NUP93: variants seen among roughly 807,000 people sequenced by gnomAD.
The protein encoded by NUP93 is nucleoporin 93.
NUP93 carries 55 observed loss-of-function variants against 107.8 expected under a neutral mutation model. The ratio of observed to expected loss-of-function variants is 0.51; its 90% CI spans 0.41 to 0.64. NUP93 has a LOEUF of 0.64. Among genes scored for constraint, NUP93 ranks in the 30% least tolerant of loss-of-function variants. The pLI is 0.00. For synonymous variants in NUP93, 390 were observed against 397.5 expected (o/e 0.98, Z 0.22); for missense variants, 937 against 1,044.7 (o/e 0.90, Z 1.42).
rs546224653 is a variant in NUP93, at chr16:56,777,932, T to C, written c.297+19277T>C. On this transcript the variant is annotated intron_variant, in intron 3 of 21. Coordinates refer to ENST00000308159, the MANE Select transcript of NUP93 (RefSeq NM_014669.5). Reference sequence around the variant, plus strand: ...TACCTGGGCAGGGCCTAGTAGACACTAATAAAAGTTAAGAAGTGGTTTTGT... The same window carrying C: ...TACCTGGGCAGGGCCTAGTAGACACCAATAAAAGTTAAGAAGTGGTTTTGT... Among the ~76,000 whole-genome samples, 30 of 152,286 alleles carry C rather than the reference T, an allele frequency of 2.0e-4. No homozygotes were observed. The East Asian group carries it at 5.8e-3, about 29-fold the overall frequency.
chr16:56,809,374 T>C (rs1414907334), intron 5 of NUP93, among the ~76,000 whole-genome samples: 5 of 151,276 alleles, frequency 3.3e-5, no homozygotes, highest in Non-Finnish European at 7.4e-5. Context: ...AGTGATAATG[T>C]AAAGCACCTG....
At chr16:56,767,707 C>T (rs957832937) in intron 3 of NUP93, among the ~76,000 whole-genome samples, 3 of 152,330 alleles carry the variant, frequency 2.0e-5, no homozygotes, top group Admixed American at 6.5e-5. Flanking sequence ...TTTCTCTCTT[C>T]TTCTAGTAGG....
chr16:56,810,697 A>T (rs1831140466), intron 5 of NUP93, among the ~76,000 whole-genome samples: 2 of 152,194 alleles, frequency 1.3e-5, no homozygotes, highest in South Asian at 4.1e-4. Context: ...CATCACAAAT[A>T]GAACACACCC....
At chr16:56,740,161 C>T (rs1310810423) in intron 1 of NUP93, among the ~76,000 whole-genome samples, 61 of 142,620 alleles carry the variant, frequency 4.3e-4, no homozygotes, top group South Asian at 7.1e-4. Flanking sequence ...GGGTGGCTGC[C>T]GGGCGGAGAC....
At chr16:56,830,196 G>C (rs963179438) in intron 9 of NUP93, among the ~76,000 whole-genome samples, 6 of 152,166 alleles carry the variant, frequency 3.9e-5, no homozygotes, top group African/African-American at 1.2e-4. Flanking sequence ...TATCACAAAA[G>C]AACATCACCC....
chr16:56,830,344 C>T (rs1430839517), intron 9 of NUP93, among the ~76,000 whole-genome samples, 184 bp from the exon 10 acceptor site: 1 of 152,226 alleles, frequency 6.6e-6, no homozygotes, highest in Non-Finnish European at 1.5e-5. Context: ...GACTTAACCC[C>T]TCCATGCCTC....
At chr16:56,785,867 A>G (rs1003856312) in intron 3 of NUP93, among the ~76,000 whole-genome samples, 2 of 152,218 alleles carry the variant, frequency 1.3e-5, no homozygotes, top group Non-Finnish European at 2.9e-5. Flanking sequence ...GATGGCAAGT[A>G]TGGTTAAAAT....
intron 3 of NUP93, chr16:56,781,641 T>C (rs1236015998): frequency 1.2e-5 from 2 of 165,958 alleles, no homozygotes; most frequent in African/African-American, 2.4e-5. Flanking sequence ...ACATGACAGC[T>C]GAAGCGATTA....
At chr16:56,738,948 T>TC (rs1329070392) in intron 1 of NUP93, among the ~76,000 whole-genome samples, 3 of 148,562 alleles carry the variant, frequency 2.0e-5, no homozygotes, top group Admixed American at 1.3e-4. Context: ...TAAATTTCTT[T>TC]TTTTTTTTTT....
At chr16:56,782,847 AAGTATTT>A (rs1962543889) in intron 3 of NUP93, among the ~76,000 whole-genome samples, 1 of 152,208 alleles carries the variant, frequency 6.6e-6, no homozygotes, top group Non-Finnish European at 1.5e-5. Flanking sequence ...GAGGATTCCT[AAGTATTT>A]ACTAAATATT....
At chr16:56,815,917 G>C (rs71387137) in intron 5 of NUP93, among the ~76,000 whole-genome samples, 37 of 129,282 alleles carry the variant, frequency 2.9e-4, no homozygotes, top group Admixed American at 4.9e-4. Flanking sequence ...GCTGCTGCTG[G>C]TGCTGCTGCT....
chr16:56,837,813 T>A, intron 18 of NUP93, 87 bp downstream of exon 18: 1 of 934,734 alleles, frequency 1.1e-6, no homozygotes, highest in Non-Finnish European at 1.7e-6. Context: ...ATGTTCAGCT[T>A]TACTAGGTAA....
intron 2 of NUP93, among the ~76,000 whole-genome samples, chr16:56,757,540 T>C (rs189581017): frequency 1.5e-4 from 23 of 152,336 alleles, no homozygotes; most frequent in Admixed American, 1.2e-3. Flanking sequence ...CTAAGTTTCT[T>C]TTTTACAGAG....
chr16:56,841,007 A>G (rs1272462882), intron 20 of NUP93, among the ~76,000 whole-genome samples: 1 of 152,164 alleles, frequency 6.6e-6, no homozygotes, highest in Non-Finnish European at 1.5e-5. Flanking sequence ...AAAAAAAAAA[A>G]AAAAAAGTTT....
rs555676967 is a variant in NUP93 at position 56,845,336 on chromosome 16, G to A, written c.*727G>A. ...CTGCTCCACTGTGAGTTGACTGCTC[G>A]GCCTTGTACACACCCCTCCTAGAAA... On this transcript the variant is annotated 3_prime_UTR_variant, in exon 22 of 22. Transcript: ENST00000308159. 185 of 152,366 alleles carry A rather than the reference G, an allele frequency of 1.2e-3. 4 individuals carry two copies. The highest frequency in any genetic ancestry group is 0.011 in the Admixed American group (163 of 15,282). 9.4% of individuals were successfully genotyped at this position (152,366 alleles called of 1,614,324 possible). A position where few individuals can be genotyped will look rare whatever the true frequency, so the allele number is the denominator to read the frequency against.
chr16:56,817,570 C>G (rs1225865377), intron 5 of NUP93, among the ~76,000 whole-genome samples: 2 of 152,148 alleles, frequency 1.3e-5, no homozygotes, highest in Non-Finnish European at 2.9e-5. Context: ...TCAGTGGGAA[C>G]TTAAGAATTT....
intron 1 of NUP93, chr16:56,741,846 T>G (rs1455535438): frequency 6.6e-6 from 1 of 152,246 alleles, no homozygotes; most frequent in South Asian, 2.1e-4. Flanking sequence ...TTTACTAAAT[T>G]AGAATTCCTC....
intron 3 of NUP93, among the ~76,000 whole-genome samples, chr16:56,763,996 AC>A (rs1401492880): frequency 1.3e-5 from 2 of 152,206 alleles, no homozygotes; most frequent in East Asian, 3.8e-4. Context: ...TGTTAGGGAA[AC>A]TGAACTATAT....
chr16:56,791,953 A>G (rs1249727503), intron 3 of NUP93, among the ~76,000 whole-genome samples: 1 of 152,226 alleles, frequency 6.6e-6, no homozygotes, highest in African/African-American at 2.4e-5. Flanking sequence ...AATTACATAT[A>G]TATAATTGAA....
Sources: allele counts gnomAD v4.1 joint callset (sites outside exome capture counted in the v4.1 genomes callset), GRCh38; gene constraint gnomAD v4.1.1; transcripts MANE v1.5; gene names NCBI Gene and HGNC (gene_info 2026-07-23, HGNC 2026-07-21).